The following ERC2 variants were observed in gnomAD, a reference collection of about 807,000 sequenced individuals.
ERC2 encodes the protein ELKS/RAB6-interacting/CAST family member 2.
In ERC2, 42 loss-of-function variants were observed where a neutral mutation model predicts 114.8. That is an observed-to-expected ratio of 0.37 (90% CI 0.29 to 0.47). The LOEUF (loss-of-function observed/expected upper bound fraction) is 0.47. ERC2 is among the 20% of genes least tolerant of loss of function. The probability of loss-of-function intolerance (pLI) is 0.99; values close to 1 mark genes in which losing one functional copy is unlikely to be tolerated. For synonymous variants in ERC2, 454 were observed against 425.5 expected (o/e 1.07, Z -0.82); for missense variants, 939 against 1,150.7 (o/e 0.82, Z 2.66).
chr3:55,849,483 C>T (rs1013296774), intron 14 of ERC2, among the ~76,000 whole-genome samples: 3 of 152,258 alleles, frequency 2.0e-5, no homozygotes, highest in Admixed American at 6.5e-5. Flanking sequence ...ATCCTCTTTG[C>T]ACATTTTAAG....
Position 56,080,848 on chromosome 3 carries a change from T to C in ERC2, c.1610A>G (p.Lys537Arg). Residue 537 changes from lysine (K) to arginine (R), a missense_variant, in exon 7 of 18, where the codon AAG becomes AGG. Lys to Arg is a conservative substitution (Grantham distance 26). This residue lies in a region of ERC2 where 149 missense variants were observed against 254.6 expected (regional missense o/e 0.59). Transcript: ENST00000288221. ...CTGAAGAACATTGATTTTTCTTTCC[T>C]TCACTTCTAACATATCTTTCATGTC... ...IRDMKDMLEVKERKINVLQKK... is the reference protein window; with the variant it reads ...IRDMKDMLEVRERKINVLQKK... The C allele has an allele frequency of 6.2e-7, 1 of 1,613,694 alleles. No homozygotes were observed. The highest frequency in any genetic ancestry group is 1.1e-5 in the South Asian group (1 of 91,040).
chr3:55,630,886 A>C (rs1575840466), intron 17 of ERC2, among the ~76,000 whole-genome samples: 1 of 152,212 alleles, frequency 6.6e-6, no homozygotes, highest in Admixed American at 6.5e-5. Flanking sequence ...ACACTGGAGA[A>C]TCTAAGAGTG....
chr3:56,376,502 T>C (rs997925156), intron 2 of ERC2, among the ~76,000 whole-genome samples: 1 of 151,140 alleles, frequency 6.6e-6, no homozygotes, highest in African/African-American at 2.4e-5. Context: ...CAGTGGCTCA[T>C]GCCTGTAATC....
intron 14 of ERC2, among the ~76,000 whole-genome samples, chr3:55,840,248 T>C (rs1289399774): frequency 6.6e-6 from 1 of 151,974 alleles, no homozygotes; most frequent in Non-Finnish European, 1.5e-5. Flanking sequence ...AGGAATCAAA[T>C]ATTGACTATA....
intron 14 of ERC2, among the ~76,000 whole-genome samples, chr3:55,842,880 C>A (rs1359023042): frequency 6.6e-6 from 1 of 151,788 alleles, no homozygotes; most frequent in Non-Finnish European, 1.5e-5. Flanking sequence ...GAGATTAGTT[C>A]TATGCAGAAG....
chr3:56,059,785 T>C (rs2076174038), intron 7 of ERC2, among the ~76,000 whole-genome samples: 3 of 152,264 alleles, frequency 2.0e-5, no homozygotes, highest in Non-Finnish European at 4.4e-5. Context: ...TTCTAGTCTT[T>C]TATTGTCTTT....
At chr3:56,081,638 A>G (rs2077238396) in intron 6 of ERC2, among the ~76,000 whole-genome samples, 1 of 152,140 alleles carries the variant, frequency 6.6e-6, no homozygotes, top group African/African-American at 2.4e-5. Flanking sequence ...TAAAAAAAAT[A>G]TAATTCCTGC....
At chr3:55,702,005 T>A (rs561333906) in intron 15 of ERC2, among the ~76,000 whole-genome samples, 1 of 152,300 alleles carries the variant, frequency 6.6e-6, no homozygotes, top group East Asian at 1.9e-4. Flanking sequence ...ATTGTAAACA[T>A]CGTAATATCC....
chr3:55,761,398 G>A (rs1011268235), intron 14 of ERC2, among the ~76,000 whole-genome samples: 2 of 151,720 alleles, frequency 1.3e-5, no homozygotes, highest in African/African-American at 2.4e-5. Flanking sequence ...AAATGTATTC[G>A]CTGTTTATCT....
At chr3:55,904,144 C>A (rs1158641587) in intron 13 of ERC2, among the ~76,000 whole-genome samples, 4 of 152,164 alleles carry the variant, frequency 2.6e-5, no homozygotes, top group Admixed American at 2.6e-4. Context: ...AATTAAGTGC[C>A]AGTGCAAGTG....
At chr3:56,054,163 T>C (rs757371959) in intron 7 of ERC2, among the ~76,000 whole-genome samples, 1 of 152,244 alleles carries the variant, frequency 6.6e-6, no homozygotes, top group Non-Finnish European at 1.5e-5. Flanking sequence ...GTTGGTCTTT[T>C]ACTAAAATTG....
chr3:55,512,859 A>G (rs143158928), intron 17 of ERC2, among the ~76,000 whole-genome samples: 27 of 152,364 alleles, frequency 1.8e-4, no homozygotes, highest in African/African-American at 6.5e-4. Flanking sequence ...ATTCACCAGG[A>G]GGCCTAAATG....
At chr3:55,982,355 CTG>C (rs146840395) in intron 12 of ERC2, among the ~76,000 whole-genome samples, 25 of 152,082 alleles carry the variant, frequency 1.6e-4, no homozygotes, top group Non-Finnish European at 3.5e-4. Flanking sequence ...TTCTTACTAA[CTG>C]TATAAATTTA....
chr3:56,295,577 T>C (rs1214596757), intron 3 of ERC2, among the ~76,000 whole-genome samples: 1 of 152,258 alleles, frequency 6.6e-6, no homozygotes, highest in Non-Finnish European at 1.5e-5. Context: ...TTCTTTCCCA[T>C]AGGCTTTACT....
intron 3 of ERC2, among the ~76,000 whole-genome samples, chr3:56,182,801 T>C (rs2083359222): frequency 6.6e-6 from 1 of 152,188 alleles, no homozygotes; most frequent in Non-Finnish European, 1.5e-5. Flanking sequence ...TATAGGCACT[T>C]CCCTATTTCT....
At chr3:56,278,393 G>A (rs543955886) in intron 3 of ERC2, among the ~76,000 whole-genome samples, 18 of 152,282 alleles carry the variant, frequency 1.2e-4, no homozygotes, top group Non-Finnish European at 1.8e-4. Flanking sequence ...ACTCTTCAAG[G>A]GTGCCAAGAT....
intron 14 of ERC2, among the ~76,000 whole-genome samples, chr3:55,838,031 A>G (rs2060974735): frequency 6.6e-6 from 1 of 152,076 alleles, no homozygotes; most frequent in East Asian, 1.9e-4. Flanking sequence ...GGTTACAACA[A>G]TATTACACAT....
intron 16 of ERC2, among the ~76,000 whole-genome samples, chr3:55,687,448 A>T (rs1209406803): frequency 6.6e-6 from 1 of 152,072 alleles, no homozygotes; most frequent in African/African-American, 2.4e-5. Context: ...GAAATCAAAG[A>T]ATTAAGTTCC....
At chr3:55,841,553 A>G (rs1048272301) in intron 14 of ERC2, among the ~76,000 whole-genome samples, 3 of 152,172 alleles carry the variant, frequency 2.0e-5, no homozygotes, top group African/African-American at 7.2e-5. Flanking sequence ...ACTGGCAACA[A>G]CCAAAACAAT....
Sources: allele counts gnomAD v4.1 joint callset (sites outside exome capture counted in the v4.1 genomes callset), GRCh38; gene constraint gnomAD v4.1.1; regional missense constraint gnomAD v4.1.1; transcripts MANE v1.5; gene names NCBI Gene and HGNC (gene_info 2026-07-23, HGNC 2026-07-21).